ELOVL7: variants seen among roughly 807,000 people sequenced by gnomAD.
ELOVL7 encodes the protein very long chain fatty acid elongase 7.
Under a neutral mutation model 35.7 loss-of-function variants are expected in ELOVL7, and 27 were observed. The ratio of observed to expected loss-of-function variants is 0.76; its 90% CI spans 0.56 to 1.04. The LOEUF is 1.04. Among genes scored for constraint, ELOVL7 ranks in the 50% least tolerant of loss-of-function variants. The pLI is 0.00. For missense variants in ELOVL7, 327 were observed against 340.8 expected (o/e 0.96, Z 0.32); for synonymous variants, 113 against 114.6 (o/e 0.99, Z 0.09).
chr5:60,773,382 AC>A (rs1248951454), intron 3 of ELOVL7, among the ~76,000 whole-genome samples: 1 of 152,148 alleles, frequency 6.6e-6, no homozygotes, highest in Non-Finnish European at 1.5e-5. Flanking sequence ...AATTCTGAAT[AC>A]CCCTGCAAGT....
At chr5:60,822,009 T>C (rs1745917531) in intron 1 of ELOVL7, among the ~76,000 whole-genome samples, 1 of 152,254 alleles carries the variant, frequency 6.6e-6, no homozygotes, top group African/African-American at 2.4e-5. Flanking sequence ...CTCTAATGCC[T>C]TCAGGTGTGT....
Position 60,767,785 on chromosome 5 carries a change from T to A in ELOVL7, c.336+38A>T, listed in dbSNP as rs373667081. ...CAAACAGTTCACAAAATTTTAACAT[T>A]GATTTTGAATTTCAAGTTTTTCCAA... On this transcript the variant is annotated intron_variant, in intron 5 of 8. Transcript: ENST00000508821. 2.4e-5 allele frequency: 37 copies of A among 1,517,308 alleles called. No individual in the cohort carries two copies. The African/African-American group carries it at 3.6e-4, about 15-fold the overall frequency. The allele number at this position is 1,517,308 out of a possible 1,614,324, so 94.0% of individuals were successfully genotyped here. A position where few individuals can be genotyped will look rare whatever the true frequency, so the allele number is the denominator to read the frequency against.
At chr5:60,755,078 T>G (rs1276252288) in intron 8 of ELOVL7, among the ~76,000 whole-genome samples, 1 of 152,158 alleles carries the variant, frequency 6.6e-6, no homozygotes, top group Admixed American at 6.5e-5. Context: ...AAATGTTCCC[T>G]GGAGCTGTGC....
At chr5:60,808,598 T>C (rs1252590748) in intron 1 of ELOVL7, among the ~76,000 whole-genome samples, 2 of 152,218 alleles carry the variant, frequency 1.3e-5, no homozygotes, top group Non-Finnish European at 2.9e-5. Flanking sequence ...ACTTAGCATA[T>C]GACCCAGCAA....
At chr5:60,777,677 T>C (rs929433744) in intron 3 of ELOVL7, among the ~76,000 whole-genome samples, 1 of 151,836 alleles carries the variant, frequency 6.6e-6, no homozygotes, top group African/African-American at 2.4e-5. Context: ...GTAAGGAGAG[T>C]AAGTGCTGAA....
intron 4 of ELOVL7, 49 bp downstream of exon 4, chr5:60,771,854 A>T: frequency 7.4e-7 from 1 of 1,350,302 alleles, no homozygotes. Context: ...ACACATAAAC[A>T]GAAAAACTCA....
At chr5:60,806,074 T>C (rs940000319) in intron 1 of ELOVL7, among the ~76,000 whole-genome samples, 5 of 152,184 alleles carry the variant, frequency 3.3e-5, no homozygotes, top group African/African-American at 1.2e-4. Flanking sequence ...CCTAATCCAC[T>C]ATGACTGGGG....
At position 60,771,996 on chromosome 5, in the gene ELOVL7, C is replaced by G. The variant is rs376599737; in HGVS notation, c.162G>C (p.Lys54Asn). The G allele has an allele frequency of 6.2e-7, 1 of 1,613,752 alleles. No homozygotes were observed. Among genetic ancestry groups the G allele is most frequent in the African/African-American group, 1.3e-5 (1 of 74,916 alleles). The stretch of plus-strand genomic sequence containing the variant: ...CAAAGGGCTTGCGATTTTCCATGAG[C>G]TTTGGTCCCAAGGAAGTGACAAAAT... The part of the protein sequence containing the change: ...YVYFVTSLGP[K>N]LMENRKPFEL... Residue 54 changes from lysine (K) to asparagine (N), a missense_variant, in exon 4 of 9, where the codon AAG (lysine) becomes AAC (asparagine). Physicochemically the swap from Lys to Asn is moderately conservative, Grantham distance 94. Transcript: ENST00000508821.
At chr5:60,815,232 T>C (rs1338912840) in intron 1 of ELOVL7, among the ~76,000 whole-genome samples, 1 of 152,246 alleles carries the variant, frequency 6.6e-6, no homozygotes, top group African/African-American at 2.4e-5. Flanking sequence ...AAAATACTTA[T>C]CATTCTTTAA....
intron 7 of ELOVL7, among the ~76,000 whole-genome samples, chr5:60,759,608 CTTTT>C (rs11371606): frequency 2.7e-5 from 4 of 145,658 alleles, no homozygotes; most frequent in Non-Finnish European, 3.0e-5. Flanking sequence ...TGCCTATTTT[CTTTT>C]TTTTTTTAAT....
chr5:60,825,829 G>A (rs1366263761), intron 1 of ELOVL7, among the ~76,000 whole-genome samples: 1 of 152,218 alleles, frequency 6.6e-6, no homozygotes, highest in Non-Finnish European at 1.5e-5. Context: ...CCAGTAAAGG[G>A]TTTCTCTTTT....
chr5:60,838,984 T>C (rs1224523618), intron 1 of ELOVL7, among the ~76,000 whole-genome samples: 3 of 148,554 alleles, frequency 2.0e-5, no homozygotes, highest in Non-Finnish European at 4.5e-5. Flanking sequence ...GATAGCGCCA[T>C]TGCACTCCAG....
intron 1 of ELOVL7, among the ~76,000 whole-genome samples, chr5:60,814,170 G>T (rs955534755): frequency 4.6e-5 from 7 of 152,146 alleles, no homozygotes; most frequent in African/African-American, 1.7e-4. Context: ...CAAAAAGAAA[G>T]CTGTCTTGAT....
chr5:60,832,168 G>T (rs1413234171), intron 1 of ELOVL7, among the ~76,000 whole-genome samples: 1 of 152,128 alleles, frequency 6.6e-6, no homozygotes, highest in African/African-American at 2.4e-5. Context: ...AGGTGACCTT[G>T]GGGAAAATCA....
chr5:60,830,669 A>C (rs1354905128), intron 1 of ELOVL7, among the ~76,000 whole-genome samples: 1 of 151,472 alleles, frequency 6.6e-6, no homozygotes, highest in African/African-American at 2.4e-5. Context: ...TTATAGTAAA[A>C]TACAAATAAC....
At chr5:60,784,061 G>T in intron 3 of ELOVL7, 1 of 969,180 alleles carries the variant, frequency 1.0e-6, no homozygotes, top group Non-Finnish European at 1.6e-6. Context: ...GTGTCCCAGG[G>T]AGAGAGCATA....
chr5:60,793,522 A>G (rs533981233), intron 2 of ELOVL7, among the ~76,000 whole-genome samples: 1 of 152,324 alleles, frequency 6.6e-6, no homozygotes, highest in East Asian at 1.9e-4. Flanking sequence ...TTAAAGTTCA[A>G]GAACTTTAAT....
At chr5:60,806,298 C>G (rs1248462052) in intron 1 of ELOVL7, among the ~76,000 whole-genome samples, 1 of 152,170 alleles carries the variant, frequency 6.6e-6, no homozygotes, top group African/African-American at 2.4e-5. Flanking sequence ...TTTATTACAG[C>G]AGCTGTAGCA....
intron 3 of ELOVL7, among the ~76,000 whole-genome samples, chr5:60,782,791 G>A (rs539328628): frequency 1.3e-5 from 2 of 152,160 alleles, no homozygotes; most frequent in Non-Finnish European, 2.9e-5. Context: ...CAGAGGCCAG[G>A]GGGCTGGGGA....
Sources: gnomAD v4.1 joint callset for allele counts (sites outside exome capture counted in the v4.1 genomes callset) on GRCh38, gnomAD v4.1.1 for gene constraint, MANE v1.5 for transcripts, NCBI Gene and HGNC (gene_info 2026-07-23, HGNC 2026-07-21) for gene names.